Variants in ZBTB16 observed in about 807,000 individuals in gnomAD.
ZBTB16 encodes the protein zinc finger and BTB domain containing 16, also known as zinc finger and BTB domain-containing protein 16.
ZBTB16 carries 8 observed loss-of-function variants against 56.8 expected under a neutral mutation model. That is an observed-to-expected ratio of 0.14 (90% CI 0.08 to 0.25). ZBTB16 has a LOEUF of 0.25. Among genes scored for constraint, ZBTB16 ranks in the 10% least tolerant of loss-of-function variants. The pLI, the probability that ZBTB16 is intolerant of heterozygous loss-of-function variation, is 1.00. For synonymous variants in ZBTB16, 363 were observed against 368.5 expected (o/e 0.98, Z 0.17); for missense variants, 625 against 903.0 (o/e 0.69, Z 3.95).
chr11:114,097,165 AG>A (rs1303013170), intron 2 of ZBTB16, among the ~76,000 whole-genome samples: 3 of 152,248 alleles, frequency 2.0e-5, no homozygotes, highest in Non-Finnish European at 2.9e-5. Flanking sequence ...ATTAACTTTG[AG>A]GGCATTATAC....
Position 114,064,274 on chromosome 11 carries a change from C to T in ZBTB16, c.974C>T (p.Pro325Leu). ...APTGRPEHPA[P>L]PPEKHLGIYS... ...ACTGGCCGACCTGAGCACCCAGCAC[C>T]CCCGCCTGAGAAGCATCTGGGCATC... Residue 325 changes from proline (P) to leucine (L), a missense_variant, in exon 2 of 7, where the codon CCC becomes CTC. Physicochemically the swap from Pro to Leu is moderately conservative, Grantham distance 98. This residue lies in a region of ZBTB16 where 384 missense variants were observed against 393.5 expected (regional missense o/e 0.98). Transcript: ENST00000335953. The surrounding 1 kb of genome is among the most constrained non-coding windows in gnomAD (Gnocchi z 4.2). 4 of 1,614,110 alleles carry T rather than the reference C, an allele frequency of 2.5e-6. No homozygotes were observed. Among genetic ancestry groups the T allele is most frequent in the Non-Finnish European group, 3.4e-6 (4 of 1,180,050 alleles).
chr11:114,118,305 T>C (rs1290427942), intron 2 of ZBTB16, among the ~76,000 whole-genome samples: 1 of 152,118 alleles, frequency 6.6e-6, no homozygotes, highest in Non-Finnish European at 1.5e-5. Context: ...GCCTCCCAAG[T>C]AGCTGGGACT....
intron 4 of ZBTB16, chr11:114,209,678 T>C (rs1486159701): frequency 1.0e-6 from 1 of 985,298 alleles, no homozygotes; most frequent in African/African-American, 1.7e-5. Flanking sequence ...AAATTAACTG[T>C]TGGTCAGAGC....
chr11:114,236,820 C>T (rs1944601802), intron 4 of ZBTB16, among the ~76,000 whole-genome samples: 1 of 152,202 alleles, frequency 6.6e-6, no homozygotes, highest in South Asian at 2.1e-4. Flanking sequence ...TACAATAGTT[C>T]CTACTTTGGA....
intron 2 of ZBTB16, among the ~76,000 whole-genome samples, chr11:114,116,408 T>C (rs1941176725): frequency 6.6e-6 from 1 of 152,210 alleles, no homozygotes; most frequent in African/African-American, 2.4e-5. Context: ...TTGCTGAACT[T>C]CTCCTCATGC....
At chr11:114,091,616 C>CCCTCCCTT (rs568563659) in intron 2 of ZBTB16, among the ~76,000 whole-genome samples, 305 of 145,054 alleles carry the variant, frequency 2.1e-3, no homozygotes, top group African/African-American at 7.4e-3. Context: ...CTCCCTCCCT[C>CCCTCCCTT]CCTCCCTTCC....
chr11:114,246,892 C>T, intron 5 of ZBTB16: 1 of 434,092 alleles, frequency 2.3e-6, no homozygotes, highest in Non-Finnish European at 4.3e-6. Flanking sequence ...ATGGTGAGGT[C>T]TCATGTATCC....
rs767023648 is a variant in ZBTB16, at chr11:114,156,447, G to T, written c.1366+13G>T. 17 of 1,612,944 alleles carry T rather than the reference G, an allele frequency of 1.1e-5. No homozygotes were observed. The highest frequency in any genetic ancestry group is 1.4e-5 in the Non-Finnish European group (16 of 1,179,068). On this transcript the variant is annotated intron_variant, in intron 3 of 6. Transcript: ENST00000335953. The stretch of plus-strand genomic sequence containing the variant: ...CTGGCTCATTCAGGTAGGCAAGTTC[G>T]CCTTAGTGGCCCGTTCAGATACAGG...
intron 2 of ZBTB16, among the ~76,000 whole-genome samples, chr11:114,151,908 C>T (rs1565653659): frequency 6.6e-6 from 1 of 152,194 alleles, no homozygotes; most frequent in Non-Finnish European, 1.5e-5. Flanking sequence ...TGGAGTATGG[C>T]TTGGGTCTCT....
At chr11:114,080,292 G>C (rs1939713441) in intron 2 of ZBTB16, among the ~76,000 whole-genome samples, 1 of 152,066 alleles carries the variant, frequency 6.6e-6, no homozygotes, top group African/African-American at 2.4e-5. Flanking sequence ...GTGGAGAGAG[G>C]AATGTTTGCT....
chr11:114,148,348 C>G (rs1360028944), intron 2 of ZBTB16, among the ~76,000 whole-genome samples: 3,015 of 111,216 alleles, frequency 0.027, 113 homozygotes, highest in African/African-American at 0.044. Flanking sequence ...TTCCTTCCTT[C>G]CTTCCTTCCT....
chr11:114,199,197 C>CGCT (rs1269025608), intron 4 of ZBTB16, among the ~76,000 whole-genome samples: 13 of 148,112 alleles, frequency 8.8e-5, no homozygotes, highest in Non-Finnish European at 1.2e-4. Flanking sequence ...ACATGGATGC[C>CGCT]GGGCCCCGGG....
intron 4 of ZBTB16, among the ~76,000 whole-genome samples, chr11:114,220,944 A>G (rs555397651): frequency 6.6e-6 from 1 of 152,332 alleles, no homozygotes; most frequent in South Asian, 2.1e-4. Context: ...TTTTCCAGGT[A>G]GACAGCTTCC....
At chr11:114,158,547 G>T (rs910019416) in intron 3 of ZBTB16, among the ~76,000 whole-genome samples, 5 of 152,098 alleles carry the variant, frequency 3.3e-5, no homozygotes, top group Non-Finnish European at 7.4e-5. Context: ...AGCTATCTTT[G>T]GGTGCAGTTT....
At chr11:114,157,998 G>A (rs928119200) in intron 3 of ZBTB16, among the ~76,000 whole-genome samples, 1 of 152,044 alleles carries the variant, frequency 6.6e-6, no homozygotes, top group South Asian at 2.1e-4. Context: ...TGACACTCAC[G>A]TACACTTTTT....
At chr11:114,229,975 A>G (rs1462783815) in intron 4 of ZBTB16, among the ~76,000 whole-genome samples, 3 of 152,136 alleles carry the variant, frequency 2.0e-5, no homozygotes, top group Non-Finnish European at 4.4e-5. Context: ...AACGCAGTGA[A>G]ATCAGAATCA....
chr11:114,222,551 C>T (rs905642203), intron 4 of ZBTB16, among the ~76,000 whole-genome samples: 3 of 152,084 alleles, frequency 2.0e-5, no homozygotes, highest in Non-Finnish European at 2.9e-5. Flanking sequence ...GTCACATTTG[C>T]TTGCGAGGAC....
chr11:114,179,542 A>C (rs1442446909), intron 3 of ZBTB16, among the ~76,000 whole-genome samples: 1 of 152,164 alleles, frequency 6.6e-6, no homozygotes, highest in Admixed American at 6.5e-5. Flanking sequence ...AGGCGTGCAG[A>C]TCTCATCAGA....
At chr11:114,168,492 A>G (rs1942857893) in intron 3 of ZBTB16, among the ~76,000 whole-genome samples, 1 of 152,214 alleles carries the variant, frequency 6.6e-6, no homozygotes, top group Admixed American at 6.5e-5. Context: ...TGTTCTGCAT[A>G]TCTGAACTCA....
Sources: gnomAD v4.1 joint callset for allele counts (sites outside exome capture counted in the v4.1 genomes callset) on GRCh38, gnomAD v4.1.1 for gene constraint, gnomAD v4.1.1 regional missense constraint, Gnocchi (gnomAD v3.1) non-coding constraint, MANE v1.5 for transcripts, NCBI Gene and HGNC (gene_info 2026-07-23, HGNC 2026-07-21) for gene names.